NT5C1B: variants seen among roughly 807,000 people sequenced by gnomAD.
The protein encoded by NT5C1B is 5'-nucleotidase, cytosolic IB, also known as cytosolic 5'-nucleotidase 1B.
NT5C1B carries 44 observed loss-of-function variants against 57.8 expected under a neutral mutation model. The ratio of observed to expected loss-of-function variants is 0.76; its 90% CI spans 0.60 to 0.98. The LOEUF is 0.98. Ranked by LOEUF, NT5C1B falls within the 50% of genes least tolerant of loss-of-function variation. The pLI, the probability that NT5C1B is intolerant of heterozygous loss-of-function variation, is 0.00. For missense variants in NT5C1B, 742 were observed against 719.5 expected (o/e 1.03, Z -0.36); for synonymous variants, 284 against 282.6 (o/e 1.00, Z -0.05).
intron 6 of NT5C1B, among the ~76,000 whole-genome samples, chr2:18,579,076 G>A (rs1665950389): frequency 6.6e-6 from 1 of 152,040 alleles, no homozygotes; most frequent in Admixed American, 6.6e-5. Context: ...TAGGAATACA[G>A]CTATCCATGG....
At chr2:18,578,728 A>G (rs1289724955) in intron 6 of NT5C1B, among the ~76,000 whole-genome samples, 1 of 152,176 alleles carries the variant, frequency 6.6e-6, no homozygotes, top group Non-Finnish European at 1.5e-5. Flanking sequence ...AGCTAGAAGA[A>G]CTGCAATCAG....
chr2:18,563,264 G>A (rs905684480), exon 9 of NT5C1B: 1 of 152,146 alleles, frequency 6.6e-6, no homozygotes, highest in Non-Finnish European at 1.5e-5. Flanking sequence ...ATTTCTAAAT[G>A]AGCAGTATCA....
At chr2:18,586,922 T>G in intron 2 of NT5C1B, 2 of 1,608,200 alleles carry the variant, frequency 1.2e-6, no homozygotes, top group Non-Finnish European at 1.7e-6. Context: ...GAGTTTCTAT[T>G]TGCCATATTC....
At position 18,584,964 on chromosome 2, in the gene NT5C1B, G is replaced by A. The variant is rs1478383406; in HGVS notation, c.273C>T (p.Ser91=). 6.5e-7 allele frequency: 1 copy of A among 1,544,874 alleles called. No homozygotes were observed. Among genetic ancestry groups the A allele is most frequent in the Admixed American group, 1.9e-5 (1 of 53,494 alleles). The change falls in exon 4 of 9, where the codon TCC becomes TCT. Residue 91 remains serine, a synonymous_variant. Coordinates refer to ENST00000304081, the Ensembl canonical transcript of NT5C1B. The surrounding 1 kb of genome is among the most constrained non-coding windows in gnomAD (Gnocchi z 5.8). ...AGGTGGATGGAGTCCGGGAGCTCGTGGAGCTGCTGGGGAGCTGCAGCAAGA... is the reference window on the plus strand; with the variant it reads ...AGGTGGATGGAGTCCGGGAGCTCGTAGAGCTGCTGGGGAGCTGCAGCAAGA...
chr2:18,577,965 A>G (rs1254753944), intron 6 of NT5C1B, among the ~76,000 whole-genome samples: 6 of 152,166 alleles, frequency 3.9e-5, no homozygotes, highest in Non-Finnish European at 7.4e-5. Flanking sequence ...AAAACAAAAC[A>G]AAAACCCCTC....
At chr2:18,580,427 A>G (rs2148147354) in intron 6 of NT5C1B, among the ~76,000 whole-genome samples, 1 of 152,312 alleles carries the variant, frequency 6.6e-6, no homozygotes, top group East Asian at 1.9e-4. Flanking sequence ...TGGCCAGATC[A>G]ACATGGAGAA....
chr2:18,588,920 G>T (rs542516975), intron 1 of NT5C1B, among the ~76,000 whole-genome samples: 1 of 152,242 alleles, frequency 6.6e-6, no homozygotes, highest in African/African-American at 2.4e-5. Context: ...CAAGTGACTT[G>T]TATTTGCCTG....
chr2:18,576,087 A>C, intron 8 of NT5C1B, 97 bp downstream of exon 8: 1 of 1,315,006 alleles, frequency 7.6e-7, no homozygotes, highest in Non-Finnish European at 1.0e-6. Context: ...CCCTGCCTAG[A>C]ATAACTTAAA....
At chr2:18,563,825 A>G (rs775001075) in exon 9 of NT5C1B, 2 of 1,582,464 alleles carry the variant, frequency 1.3e-6, no homozygotes, top group Admixed American at 1.8e-5. Context: ...TTAAAGCCAT[A>G]AGCTGCGATG....
At chr2:18,582,754 G>T in intron 6 of NT5C1B, 114 bp downstream of exon 6, 1 of 1,431,234 alleles carries the variant, frequency 7.0e-7, no homozygotes, top group East Asian at 2.4e-5. Context: ...GGCGCAGAAG[G>T]GGGTGTCAGT....
chr2:18,575,097 G>A (rs1045223103), intron 8 of NT5C1B, among the ~76,000 whole-genome samples: 1 of 152,054 alleles, frequency 6.6e-6, no homozygotes. Flanking sequence ...TTGTCTGGAA[G>A]TAATGCTTTC....
At position 18,584,750 on chromosome 2, in the gene NT5C1B, C is replaced by A. The variant is rs1378523220; in HGVS notation, c.487G>T (p.Glu163Ter). The A allele has an allele frequency of 1.2e-6, 2 of 1,613,576 alleles. No individual in the cohort carries two copies. The highest frequency in any genetic ancestry group is 1.7e-6 in the Non-Finnish European group (2 of 1,179,746). ...TGCGAGTCCCGGGTCTGGCGGATTT[C>A]CCGCACGATGCCTTGGGCCCAGGCC... The change falls in exon 4 of 9, where the codon GAA (glutamate) becomes TAA (stop). Residue 163 changes from glutamate to a stop codon, truncating the protein, a stop_gained. Transcript: ENST00000304081. LOFTEE classifies it high-confidence loss of function. This position sits in a 1 kb window ranked among gnomAD's most constrained non-coding sequence, Gnocchi z 5.8.
rs145773916 is a variant in NT5C1B, at chr2:18,569,025, G to C, written c.1330-4906C>G. Among the ~76,000 whole-genome samples, 430 of 152,210 alleles carry C rather than the reference G, an allele frequency of 2.8e-3. 3 individuals are homozygous for C. Among genetic ancestry groups the C allele is most frequent in the African/African-American group, 9.7e-3 (401 of 41,528 alleles). On this transcript the variant is annotated intron_variant, in intron 8 of 8. Coordinates refer to ENST00000304081, the Ensembl canonical transcript of NT5C1B. ...TAACTGAGACCTGTTTCAGATTTTT[G>C]AGGTTCACAGTAGCAAAGTATAGAG...
Sources: allele counts gnomAD v4.1 joint callset (sites outside exome capture counted in the v4.1 genomes callset), GRCh38; gene constraint gnomAD v4.1.1; non-coding constraint Gnocchi (gnomAD v3.1); transcripts MANE v1.5; gene names NCBI Gene and HGNC (gene_info 2026-07-23, HGNC 2026-07-21).